SKAP1: variants seen among roughly 807,000 people sequenced by gnomAD.
SKAP1 encodes the protein src kinase associated phosphoprotein 1.
Under a neutral mutation model 58.5 loss-of-function variants are expected in SKAP1, and 44 were observed. The observed-to-expected ratio is 0.75, with a 90% CI of 0.59 to 0.97. The LOEUF (loss-of-function observed/expected upper bound fraction) is 0.97. Ranked by LOEUF, SKAP1 falls within the 50% of genes least tolerant of loss-of-function variation. The pLI, the probability that SKAP1 is intolerant of heterozygous loss-of-function variation, is 0.00. For missense variants in SKAP1, 390 were observed against 435.2 expected, an observed-to-expected ratio of 0.90 and a Z score of 0.92; for synonymous variants, 127 against 149.7, an observed-to-expected ratio of 0.85 and a Z score of 1.11.
intron 1 of SKAP1, 72 bp downstream of exon 1, chr17:48,430,003 G>T: frequency 8.4e-7 from 1 of 1,195,426 alleles, no homozygotes; most frequent in African/African-American, 1.6e-5. Flanking sequence ...AAGAAAGCCT[G>T]GCCGTGGGAG....
chr17:48,144,211 G>A (rs971667873), intron 11 of SKAP1, among the ~76,000 whole-genome samples: 22 of 152,248 alleles, frequency 1.4e-4, no homozygotes, highest in Admixed American at 2.0e-4. Flanking sequence ...TACAGGTCCC[G>A]GGATCTGACT....
intron 11 of SKAP1, among the ~76,000 whole-genome samples, chr17:48,153,430 G>A (rs555725134): frequency 2.6e-5 from 4 of 152,240 alleles, no homozygotes; most frequent in East Asian, 1.9e-4. Flanking sequence ...GTATATGACC[G>A]TTGCCTTCCA....
intron 6 of SKAP1, among the ~76,000 whole-genome samples, chr17:48,187,090 T>C (rs1236607816): frequency 3.3e-5 from 5 of 152,216 alleles, no homozygotes; most frequent in Non-Finnish European, 7.3e-5. Context: ...ATTCGAAAGT[T>C]TGCATTCATC....
chr17:48,394,674 T>A (rs2067393708), intron 2 of SKAP1, among the ~76,000 whole-genome samples: 1 of 152,174 alleles, frequency 6.6e-6, no homozygotes, highest in Non-Finnish European at 1.5e-5. Flanking sequence ...GTTTGATGAC[T>A]TCTAAATTTC....
In SKAP1 at chr17:48,309,582, C is replaced by T. The variant is rs186236586; in HGVS notation, c.280+36323G>A. 2.5e-3 allele frequency among the ~76,000 whole-genome samples: 387 copies of T among 152,226 alleles called. 7 individuals are homozygous for T. The highest frequency in any genetic ancestry group is 8.6e-3 in the African/African-American group (357 of 41,528). On this transcript the variant is annotated intron_variant, in intron 4 of 12. Coordinates refer to ENST00000336915, the MANE Select transcript of SKAP1 (RefSeq NM_003726.4). Reference sequence around the variant, plus strand: ...CTCTATGCACAGATATAAATATATACATATGTGTTGGTATATATATACATA... The same window carrying T: ...CTCTATGCACAGATATAAATATATATATATGTGTTGGTATATATATACATA...
chr17:48,193,145 G>A (rs2064572359), intron 4 of SKAP1, among the ~76,000 whole-genome samples: 1 of 152,082 alleles, frequency 6.6e-6, no homozygotes, highest in Non-Finnish European at 1.5e-5. Flanking sequence ...GGGTTCAAGC[G>A]ATTCTCCTGC....
At chr17:48,411,245 C>T (rs1051576414) in intron 1 of SKAP1, among the ~76,000 whole-genome samples, 1 of 151,850 alleles carries the variant, frequency 6.6e-6, no homozygotes, top group Admixed American at 6.6e-5. Flanking sequence ...ACCAAAAATA[C>T]AAAAATTCAC....
At chr17:48,167,327 A>C (rs2064153984) in intron 10 of SKAP1, among the ~76,000 whole-genome samples, 1 of 152,128 alleles carries the variant, frequency 6.6e-6, no homozygotes, top group Admixed American at 6.5e-5. Flanking sequence ...TAGTGGTATA[A>C]GTATGATTTG....
At chr17:48,190,076 TG>T (rs1264299092) in intron 4 of SKAP1, among the ~76,000 whole-genome samples, 1 of 151,926 alleles carries the variant, frequency 6.6e-6, no homozygotes. Flanking sequence ...AAATATGCAC[TG>T]ATGGGCAGGA....
intron 4 of SKAP1, among the ~76,000 whole-genome samples, chr17:48,335,187 C>G: frequency 6.6e-6 from 1 of 151,736 alleles, no homozygotes; most frequent in East Asian, 1.9e-4. Flanking sequence ...TCCTAGAGTT[C>G]CCAGAATAAC....
At chr17:48,195,854 T>C (rs1333756176) in intron 4 of SKAP1, among the ~76,000 whole-genome samples, 1 of 152,132 alleles carries the variant, frequency 6.6e-6, no homozygotes, top group African/African-American at 2.4e-5. Flanking sequence ...ATCCAGGTTA[T>C]AGTGAACCCA....
upstream of SKAP1, among the ~76,000 whole-genome samples, chr17:48,430,610 C>T (rs2067907439): frequency 2.0e-5 from 3 of 152,164 alleles, no homozygotes; most frequent in African/African-American, 4.8e-5. Context: ...CCTCAATTGC[C>T]GGTCCAGTTC....
At chr17:48,364,830 C>G (rs965432497) in intron 2 of SKAP1, among the ~76,000 whole-genome samples, 2 of 152,190 alleles carry the variant, frequency 1.3e-5, no homozygotes, top group Non-Finnish European at 2.9e-5. Flanking sequence ...ATCCTATCTC[C>G]TCTATTATTT....
At chr17:48,384,211 G>A (rs776423035) in intron 2 of SKAP1, among the ~76,000 whole-genome samples, 25 of 152,132 alleles carry the variant, frequency 1.6e-4, no homozygotes, top group Non-Finnish European at 2.5e-4. Flanking sequence ...CATTTAGAAC[G>A]AAGAATCAAC....
intron 11 of SKAP1, among the ~76,000 whole-genome samples, chr17:48,161,979 A>T (rs1158582355): frequency 2.0e-5 from 3 of 151,386 alleles, no homozygotes; most frequent in Non-Finnish European, 4.4e-5. Context: ...TTATTTATTT[A>T]TTTTTGAGAT....
intron 4 of SKAP1, among the ~76,000 whole-genome samples, chr17:48,244,569 GC>G (rs2065274999): frequency 6.6e-6 from 1 of 152,074 alleles, no homozygotes. Context: ...GCCATGCCAA[GC>G]AAGTTTACTT....
At chr17:48,198,679 G>A (rs2064680700) in intron 4 of SKAP1, among the ~76,000 whole-genome samples, 1 of 151,754 alleles carries the variant, frequency 6.6e-6, no homozygotes, top group Non-Finnish European at 1.5e-5. Context: ...AAAAAAAATT[G>A]TGTTCCTTCA....
chr17:48,241,582 T>C (rs1243832182), intron 4 of SKAP1, among the ~76,000 whole-genome samples: 5 of 152,088 alleles, frequency 3.3e-5, no homozygotes, highest in South Asian at 2.1e-4. Context: ...ACATGGATCA[T>C]GCAGATAAGT....
intron 2 of SKAP1, among the ~76,000 whole-genome samples, chr17:48,376,437 T>C (rs1169291303): frequency 6.6e-6 from 1 of 152,202 alleles, no homozygotes; most frequent in African/African-American, 2.4e-5. Flanking sequence ...GTGATATTCA[T>C]TTAAAAATGA....
Sources: allele counts gnomAD v4.1 joint callset (sites outside exome capture counted in the v4.1 genomes callset), GRCh38; gene constraint gnomAD v4.1.1; transcripts MANE v1.5; gene names NCBI Gene and HGNC (gene_info 2026-07-23, HGNC 2026-07-21).